Variants in MYPN observed in about 807,000 individuals in gnomAD.
The protein encoded by MYPN is myopalladin, also known as sarcomeric protein myopalladin, 145 kDa (MYOP).
MYPN carries 63 observed loss-of-function variants against 129.4 expected under a neutral mutation model. That is an observed-to-expected ratio of 0.49 (90% confidence interval 0.40 to 0.60). The LOEUF is 0.60. Among genes scored for constraint, MYPN ranks in the 20% least tolerant of loss-of-function variants. MYPN has a pLI of 0.00. For synonymous variants in MYPN, 629 were observed against 600.9 expected (o/e 1.05, Z -0.68); for missense variants, 1,596 against 1,635.4 (o/e 0.98, Z 0.42).
chr10:68,202,126 T>C (rs2043726962), intron 18 of MYPN, 132 bp downstream of exon 18: 4 of 1,148,410 alleles, frequency 3.5e-6, no homozygotes, highest in Non-Finnish European at 5.1e-6. Context: ...ATTGATATTA[T>C]TGTGTGTATT....
At chr10:68,165,552 T>A in intron 8 of MYPN, 150 bp from the exon 9 acceptor site, 1 of 722,410 alleles carries the variant, frequency 1.4e-6, no homozygotes, top group South Asian at 1.5e-5. Context: ...GTCAATTCAA[T>A]CAAACAATTG....
At chr10:68,149,743 C>A (rs1589558144) in intron 5 of MYPN, among the ~76,000 whole-genome samples, 1 of 152,014 alleles carries the variant, frequency 6.6e-6, no homozygotes, top group East Asian at 1.9e-4. Flanking sequence ...TCTGTGTAGC[C>A]CCAGGGGTTC....
chr10:68,168,854 G>A (rs1468473466), intron 10 of MYPN, among the ~76,000 whole-genome samples: 2 of 151,942 alleles, frequency 1.3e-5, no homozygotes, highest in South Asian at 2.1e-4. Context: ...TTAGCCAGGT[G>A]TGGTGGCGCG....
intron 19 of MYPN, 114 bp downstream of exon 19, chr10:68,207,017 G>T: frequency 7.4e-7 from 1 of 1,342,824 alleles, no homozygotes. Context: ...CAGCACTTTG[G>T]GAGGCCGAGG....
At position 68,205,476 on chromosome 10, in the gene MYPN, C is replaced by T. The variant is rs560164238; in HGVS notation, c.3660-1294C>T. 2.7e-5 allele frequency among the ~76,000 whole-genome samples: 4 copies of T among 149,550 alleles called. No homozygotes were observed. In the East Asian group the frequency reaches 5.9e-4, roughly 22 times the overall value. On this transcript the variant is annotated intron_variant, in intron 18 of 19. Transcript: ENST00000358913. ...GGTGGATCACCTGAGATCAGGAGTTCGAGACCAGCCTAGCTAACACAGTGA... is the reference window on the plus strand; with the variant it reads ...GGTGGATCACCTGAGATCAGGAGTTTGAGACCAGCCTAGCTAACACAGTGA...
At position 68,140,298 on chromosome 10, in the gene MYPN, T is replaced by A. The variant is rs77156215; in HGVS notation, c.903-2642T>A. 1.8e-3 allele frequency among the ~76,000 whole-genome samples: 277 copies of A among 152,014 alleles called. 5 individuals are homozygous for A. In the East Asian group the frequency reaches 0.04, roughly 22 times the overall value. On this transcript the variant is annotated intron_variant, in intron 2 of 19. Coordinates refer to ENST00000358913, the MANE Select transcript of MYPN (RefSeq NM_032578.4). ...TGATGGCCCAAATAGAGGTAATAATTGAAACTATAGGATGAGATAAGATGG... is the reference window on the plus strand; with the variant it reads ...TGATGGCCCAAATAGAGGTAATAATAGAAACTATAGGATGAGATAAGATGG...
chr10:68,191,503 C>T (rs1195169921), intron 13 of MYPN, among the ~76,000 whole-genome samples: 2 of 152,162 alleles, frequency 1.3e-5, no homozygotes, highest in African/African-American at 2.4e-5. Flanking sequence ...CAGGCGTGAG[C>T]CACCACACCC....
At chr10:68,132,934 G>A (rs1589539573) in intron 2 of MYPN, among the ~76,000 whole-genome samples, 1 of 151,924 alleles carries the variant, frequency 6.6e-6, no homozygotes, top group African/African-American at 2.4e-5. Context: ...ATCCCAAAAT[G>A]GTAGACTGAG....
At chr10:68,190,377 G>A (rs2043491923) in intron 13 of MYPN, among the ~76,000 whole-genome samples, 1 of 152,076 alleles carries the variant, frequency 6.6e-6, no homozygotes, top group Non-Finnish European at 1.5e-5. Context: ...AGTAGAGACG[G>A]GGTTTCACCA....
At chr10:68,140,444 C>A (rs1420050450) in intron 2 of MYPN, among the ~76,000 whole-genome samples, 1 of 151,582 alleles carries the variant, frequency 6.6e-6, no homozygotes, top group Non-Finnish European at 1.5e-5. Flanking sequence ...AGGCAAGACA[C>A]ATTTTCAAAA....
intron 1 of MYPN, among the ~76,000 whole-genome samples, chr10:68,115,053 G>A (rs1252957467): frequency 6.6e-6 from 1 of 152,074 alleles, no homozygotes; most frequent in Non-Finnish European, 1.5e-5. Context: ...GAAGTCAGGA[G>A]TTTGAAACCA....
intron 1 of MYPN, among the ~76,000 whole-genome samples, chr10:68,119,908 C>A (rs575232847): frequency 6.6e-6 from 1 of 152,198 alleles, no homozygotes; most frequent in East Asian, 1.9e-4. Flanking sequence ...TTTGGGATAG[C>A]ATTCTAGAAG....
chr10:68,116,862 TTTTC>T (rs976204462), intron 1 of MYPN, among the ~76,000 whole-genome samples: 2 of 152,176 alleles, frequency 1.3e-5, no homozygotes, highest in African/African-American at 4.8e-5. Flanking sequence ...AGTTTATAGT[TTTTC>T]TTTGTGTCTA....
At chr10:68,184,307 C>G (rs1171618512) in intron 12 of MYPN, among the ~76,000 whole-genome samples, 1 of 152,038 alleles carries the variant, frequency 6.6e-6, no homozygotes, top group African/African-American at 2.4e-5. Flanking sequence ...TCACATAGTC[C>G]CATAGGAACA....
chr10:68,182,373 CATATATAACACATATATA>C lies in MYPN; in HGVS notation c.2704-6530_2704-6513del, dbSNP rs1564686884. ...ACATATATATAACACATATATATAA[CATATATAACACATATATA>C]ACATATATATAACACATATATATAA... On this transcript the variant is annotated intron_variant, in intron 12 of 19. Coordinates refer to ENST00000358913, the MANE Select transcript of MYPN (RefSeq NM_032578.4). Among the ~76,000 whole-genome samples, 535 of 95,792 alleles carry C rather than the reference CATATATAACACATATATA, an allele frequency of 5.6e-3. 17 individuals are homozygous for C. The highest frequency in any genetic ancestry group is 1.0e-2 in the Non-Finnish European group (438 of 43,882). 62.8% of individuals were successfully genotyped at this position (95,792 alleles called of 152,430 possible).
In MYPN at chr10:68,194,358, T is replaced by C. The variant is rs1223595363; in HGVS notation, c.2926-5T>C. 1 of 1,613,332 alleles carries C rather than the reference T, an allele frequency of 6.2e-7. No homozygotes were observed. Among genetic ancestry groups the C allele is most frequent in the East Asian group, 2.2e-5 (1 of 44,812 alleles). On this transcript the variant is annotated splice_polypyrimidine_tract_variant and splice_region_variant and intron_variant, in intron 13 of 19. Transcript: ENST00000358913. ...AGTGTACATCTTGATAATTTTTCATTTCAGGTTTACTGGTTCAAAGATGGG... is the reference window on the plus strand; with the variant it reads ...AGTGTACATCTTGATAATTTTTCATCTCAGGTTTACTGGTTCAAAGATGGG...
At chr10:68,156,696 T>A (rs1250173356) in intron 6 of MYPN, among the ~76,000 whole-genome samples, 11 of 152,188 alleles carry the variant, frequency 7.2e-5, no homozygotes, top group Admixed American at 7.2e-4. Flanking sequence ...TAGGACCAAG[T>A]ACAGAATATC....
intron 1 of MYPN, among the ~76,000 whole-genome samples, chr10:68,112,514 T>G (rs78601840): frequency 0.011 from 1,679 of 152,350 alleles, 50 homozygotes; most frequent in African/African-American, 0.038. Context: ...AAAGTCTTCA[T>G]TACTTAACCT....
chr10:68,107,807 A>G (rs539501511), upstream of MYPN, among the ~76,000 whole-genome samples: 79 of 152,164 alleles, frequency 5.2e-4, no homozygotes, highest in Non-Finnish European at 9.6e-4. Context: ...GTAGAATACC[A>G]GGCTTATCAT....
Sources: gnomAD v4.1 joint callset for allele counts (sites outside exome capture counted in the v4.1 genomes callset) on GRCh38, gnomAD v4.1.1 for gene constraint, MANE v1.5 for transcripts, NCBI Gene and HGNC (gene_info 2026-07-23, HGNC 2026-07-21) for gene names.